Variants in PDCD6 observed in about 807,000 individuals in gnomAD.
The protein encoded by PDCD6 is programmed cell death 6, also known as programmed cell death protein 6.
In PDCD6, 12 loss-of-function variants were observed where a neutral mutation model predicts 28.3. That is an observed-to-expected ratio of 0.42 (90% CI 0.27 to 0.69). PDCD6 has a LOEUF of 0.69. Among genes scored for constraint, PDCD6 ranks in the 30% least tolerant of loss-of-function variants. PDCD6 has a pLI of 0.22. For missense variants in PDCD6, 226 were observed against 269.9 expected, an observed-to-expected ratio of 0.84 and a Z score of 1.14; for synonymous variants, 92 against 108.0, an observed-to-expected ratio of 0.85 and a Z score of 0.92.
At chr5:302,856 G>C (rs1740194066) in intron 2 of PDCD6, among the ~76,000 whole-genome samples, 2 of 151,028 alleles carry the variant, frequency 1.3e-5, no homozygotes, top group South Asian at 4.2e-4. Context: ...CTGCATAACT[G>C]CTGGAGGGCG....
intron 5 of PDCD6, among the ~76,000 whole-genome samples, chr5:313,244 CT>C (rs1300223893): frequency 6.6e-6 from 1 of 152,206 alleles, no homozygotes; most frequent in African/African-American, 2.4e-5. Flanking sequence ...TATTTATCTG[CT>C]TTTTCTGAAA....
chr5:304,010 GC>G (rs1191829277), intron 2 of PDCD6, among the ~76,000 whole-genome samples, 166 bp from the exon 3 acceptor site: 1 of 150,754 alleles, frequency 6.6e-6, no homozygotes, highest in Non-Finnish European at 1.5e-5. Flanking sequence ...CAGTGCTTTG[GC>G]CCCCTCCCAG....
intron 2 of PDCD6, chr5:289,740 G>A (rs927149988): frequency 2.3e-6 from 2 of 877,038 alleles, no homozygotes; most frequent in South Asian, 2.6e-5. Flanking sequence ...TGTCTGTGCT[G>A]TCAGGCGACC....
At chr5:276,491 G>A (rs2126682838) in intron 2 of PDCD6, 1 of 979,730 alleles carries the variant, frequency 1.0e-6, no homozygotes, top group South Asian at 4.7e-5. Flanking sequence ...ATTAGAGATG[G>A]AGTCTCACTG....
At chr5:272,913 G>A (rs1737928272) in intron 2 of PDCD6, 141 bp downstream of exon 2, 1 of 1,373,182 alleles carries the variant, frequency 7.3e-7, no homozygotes, top group Non-Finnish European at 9.9e-7. Context: ...TCGTAGTGGA[G>A]ATGCTTCTGG....
rs1285495130 is a variant in PDCD6, at chr5:307,284, C to T, written c.367+524C>T. ...CGTGTGTGTGCACACGTGTGCCGTGCGCCTCAGAAGGGGCGTTAGGCAGAA... is the reference window on the plus strand; with the variant it reads ...CGTGTGTGTGCACACGTGTGCCGTGTGCCTCAGAAGGGGCGTTAGGCAGAA... On this transcript the variant is annotated intron_variant, in intron 4 of 5. Coordinates refer to ENST00000264933, the MANE Select transcript of PDCD6 (RefSeq NM_013232.4). The surrounding 1 kb of genome is among the most constrained non-coding windows in gnomAD (Gnocchi z 6.1). Among the ~76,000 whole-genome samples, 1 of 113,516 alleles carries T rather than the reference C, an allele frequency of 8.8e-6. No homozygotes were observed. Among genetic ancestry groups the T allele is most frequent in the Admixed American group, 8.0e-5 (1 of 12,456 alleles). The allele number at this position is 113,516 out of a possible 152,430, so 74.5% of individuals were successfully genotyped here.
chr5:291,637 C>T (rs1341172421), intron 2 of PDCD6, among the ~76,000 whole-genome samples: 1 of 150,810 alleles, frequency 6.6e-6, no homozygotes, highest in Non-Finnish European at 1.5e-5. Context: ...CGTCTCCATT[C>T]TCTCCCTGAG....
intron 2 of PDCD6, among the ~76,000 whole-genome samples, chr5:286,060 T>C (rs1398834862): frequency 1.4e-5 from 2 of 144,648 alleles, no homozygotes; most frequent in African/African-American, 2.7e-5. Flanking sequence ...GGGGAGCTGA[T>C]GGTGCAGTTT....
chr5:302,707 G>C (rs967391824), intron 2 of PDCD6, among the ~76,000 whole-genome samples: 5 of 147,926 alleles, frequency 3.4e-5, no homozygotes, highest in African/African-American at 1.0e-4. Context: ...GTGTGTGTGG[G>C]CCACGGGTTC....
chr5:308,507 C>G (rs1740674730), intron 4 of PDCD6: 1 of 152,232 alleles, frequency 6.6e-6, no homozygotes, highest in African/African-American at 2.4e-5. Context: ...CTCTGGTTAC[C>G]CTCACGAGTT....
chr5:280,808 G>C (rs1018160278), intron 2 of PDCD6, among the ~76,000 whole-genome samples: 1 of 151,564 alleles, frequency 6.6e-6, no homozygotes, highest in Non-Finnish European at 1.5e-5. Flanking sequence ...TTGGGCTGTG[G>C]ATGGGAGCTG....
At chr5:306,817 TGAA>T in intron 4 of PDCD6, 57 bp downstream of exon 4, 1 of 1,552,484 alleles carries the variant, frequency 6.4e-7, no homozygotes, top group Non-Finnish European at 8.9e-7. Context: ...TTGGAGCCGT[TGAA>T]GTTCTTTAAA....
intron 2 of PDCD6, among the ~76,000 whole-genome samples, chr5:282,279 G>C (rs375970003): frequency 6.2e-5 from 9 of 145,182 alleles, no homozygotes; most frequent in South Asian, 2.4e-4. Context: ...AATCGGGGGG[G>C]GGGGAGCTGA....
At chr5:290,020 T>A in intron 2 of PDCD6, 3 of 1,600,586 alleles carry the variant, frequency 1.9e-6, no homozygotes, top group Non-Finnish European at 2.6e-6. Context: ...ACATAGTCGC[T>A]GAATAGTAAA....
At chr5:287,876 A>G (rs541413830) in intron 2 of PDCD6, among the ~76,000 whole-genome samples, 9 of 152,332 alleles carry the variant, frequency 5.9e-5, no homozygotes, top group Admixed American at 1.3e-4. Context: ...AATATTCGCA[A>G]TGTTCAGAAA....
chr5:275,060 TC>T (rs936826852), intron 2 of PDCD6, among the ~76,000 whole-genome samples: 13 of 78,644 alleles, frequency 1.7e-4, no homozygotes, highest in African/African-American at 5.8e-4. Flanking sequence ...GCTCTGAGCT[TC>T]CTCTGCCTTT....
At chr5:289,054 T>TA in intron 2 of PDCD6, 1 of 1,300,070 alleles carries the variant, frequency 7.7e-7, no homozygotes, top group Non-Finnish European at 1.1e-6. Flanking sequence ...TCCATTTGAT[T>TA]ATTTTCCTCA....
At chr5:291,997 T>C (rs866999850) in intron 2 of PDCD6, among the ~76,000 whole-genome samples, 4 of 152,194 alleles carry the variant, frequency 2.6e-5, no homozygotes, top group South Asian at 2.1e-4. Context: ...ATAACAAAAA[T>C]AGACTTCACA....
At chr5:313,525 G>T (rs1741060330) in intron 5 of PDCD6, among the ~76,000 whole-genome samples, 1 of 152,134 alleles carries the variant, frequency 6.6e-6, no homozygotes, top group South Asian at 2.1e-4. Flanking sequence ...ATGTGGTGGT[G>T]TAAACAGCTC....
Sources: allele counts gnomAD v4.1 joint callset (sites outside exome capture counted in the v4.1 genomes callset), GRCh38; gene constraint gnomAD v4.1.1; non-coding constraint Gnocchi (gnomAD v3.1); transcripts MANE v1.5; gene names NCBI Gene and HGNC (gene_info 2026-07-23, HGNC 2026-07-21).